HSPA4L: variants seen among roughly 807,000 people sequenced by gnomAD.
The protein encoded by HSPA4L is heat shock 70 kDa protein 4L.
Under a neutral mutation model 100.3 loss-of-function variants are expected in HSPA4L, and 48 were observed. The ratio of observed to expected loss-of-function variants is 0.48; its 90% CI spans 0.38 to 0.61. The LOEUF (loss-of-function observed/expected upper bound fraction) is 0.61. Ranked by LOEUF, HSPA4L falls within the 20% of genes least tolerant of loss-of-function variation. The pLI is 0.00. For synonymous variants in HSPA4L, 319 were observed against 328.2 expected, an observed-to-expected ratio of 0.97 and a Z score of 0.30; for missense variants, 886 against 988.6, an observed-to-expected ratio of 0.90 and a Z score of 1.39.
intron 10 of HSPA4L, among the ~76,000 whole-genome samples, chr4:127,807,463 G>A (rs149092788): frequency 6.6e-6 from 1 of 151,932 alleles, no homozygotes; most frequent in African/African-American, 2.4e-5. Context: ...TATAACCCTC[G>A]GTTGGTTCAG....
chr4:127,814,672 G>T (rs886283640), intron 12 of HSPA4L, among the ~76,000 whole-genome samples: 1 of 152,004 alleles, frequency 6.6e-6, no homozygotes, highest in Non-Finnish European at 1.5e-5. Context: ...GGTTCAAGCA[G>T]TTCTCCTGCC....
chr4:127,832,687 T>C lies in HSPA4L; in HGVS notation c.2333T>C (p.Leu778Pro). 2 of 1,598,074 alleles carry C rather than the reference T, an allele frequency of 1.3e-6. No individual in the cohort carries two copies. Among genetic ancestry groups the C allele is most frequent in the Non-Finnish European group, 1.7e-6 (2 of 1,172,922 alleles). The part of the protein sequence containing the change: ...VSEIVAKSKE[L>P]DNFCNPIIYK... ...TCAATTTCTTCATGTCTTTAGGAAC[T>C]GGATAATTTCTGTAACCCCATCATT... Residue 778 changes from leucine (L) to proline (P), a missense_variant, in exon 19 of 19, where the codon CTG becomes CCG. Transcript: ENST00000296464.
chr4:127,812,408 C>CAAAA (rs769753070), intron 12 of HSPA4L, among the ~76,000 whole-genome samples: 1 of 62,858 alleles, frequency 1.6e-5, no homozygotes, highest in East Asian at 3.2e-4. Context: ...GACTCCATCT[C>CAAAA]AAAAAAAAAA....
chr4:127,823,914 T>C (rs1253071983), intron 16 of HSPA4L, among the ~76,000 whole-genome samples: 2 of 152,218 alleles, frequency 1.3e-5, no homozygotes, highest in Non-Finnish European at 2.9e-5. Context: ...TAAGTATATA[T>C]GGTAACTGTG....
At chr4:127,801,104 A>G in intron 4 of HSPA4L, 34 bp from the exon 5 acceptor site, 1 of 1,483,918 alleles carries the variant, frequency 6.7e-7, no homozygotes, top group Non-Finnish European at 9.3e-7. Context: ...GTTTACATAA[A>G]ACATTATACT....
At chr4:127,808,407 C>CT (rs1227839511) in intron 11 of HSPA4L, among the ~76,000 whole-genome samples, 1 of 151,320 alleles carries the variant, frequency 6.6e-6, no homozygotes, top group Non-Finnish European at 1.5e-5. Context: ...CATGCCTAGA[C>CT]TTTTTTTTTC....
chr4:127,802,274 A>C (rs1229931366), intron 6 of HSPA4L, among the ~76,000 whole-genome samples: 2 of 152,186 alleles, frequency 1.3e-5, no homozygotes, highest in African/African-American at 2.4e-5. Flanking sequence ...GCATTTTCTA[A>C]AATGATTCCC....
intron 1 of HSPA4L, among the ~76,000 whole-genome samples, chr4:127,784,822 C>T (rs1732668567): frequency 6.6e-6 from 1 of 152,234 alleles, no homozygotes; most frequent in Non-Finnish European, 1.5e-5. Flanking sequence ...TAACCTTTAA[C>T]TTCTCTAATA....
chr4:127,837,566 C>G lies in HSPA4L; in HGVS notation c.*4692C>G, dbSNP rs1166328187. ...GTAAAGCAGTCAGTTTCAGAAGATA[C>G]TTTTTATCAAAAAAGATGGCAGGTT... On this transcript the variant is annotated 3_prime_UTR_variant, in exon 19 of 19. Transcript: ENST00000296464. 1 of 152,120 alleles carries G rather than the reference C, an allele frequency of 6.6e-6. No homozygotes were observed. The highest frequency in any genetic ancestry group is 1.5e-5 in the Non-Finnish European group (1 of 68,014). The allele number at this position is 152,120 out of a possible 1,614,324, so 9.4% of individuals were successfully genotyped here.
At chr4:127,784,816 C>G (rs900606862) in intron 1 of HSPA4L, among the ~76,000 whole-genome samples, 4 of 152,206 alleles carry the variant, frequency 2.6e-5, no homozygotes, top group Non-Finnish European at 5.9e-5. Flanking sequence ...ATTAGATAAC[C>G]TTTAACTTCT....
At chr4:127,798,985 G>A (rs1253370507) in intron 4 of HSPA4L, among the ~76,000 whole-genome samples, 3 of 152,144 alleles carry the variant, frequency 2.0e-5, no homozygotes, top group Admixed American at 6.6e-5. Context: ...TTCTCAGATA[G>A]CAATTAACTT....
intron 12 of HSPA4L, chr4:127,813,207 G>A (rs1024366987): frequency 9.0e-6 from 11 of 1,216,882 alleles, no homozygotes; most frequent in South Asian, 4.8e-5. Flanking sequence ...TCATTTTGGC[G>A]AATTACTGGA....
chr4:127,783,894 C>T (rs1359252843), intron 1 of HSPA4L, among the ~76,000 whole-genome samples: 1 of 151,962 alleles, frequency 6.6e-6, no homozygotes, highest in Non-Finnish European at 1.5e-5. Flanking sequence ...GGTTTTATAC[C>T]TTTTTTCGTA....
chr4:127,799,639 T>C (rs1025078544), intron 4 of HSPA4L, among the ~76,000 whole-genome samples: 47 of 152,218 alleles, frequency 3.1e-4, no homozygotes, highest in African/African-American at 1.1e-3. Flanking sequence ...AAGATTCGTC[T>C]TAAATTCAAA....
At chr4:127,827,951 AGAT>A (rs1341784800) in intron 17 of HSPA4L, among the ~76,000 whole-genome samples, 4 of 152,176 alleles carry the variant, frequency 2.6e-5, no homozygotes, top group African/African-American at 9.6e-5. Context: ...GTAGTTATAC[AGAT>A]GATACTTCCA....
intron 1 of HSPA4L, among the ~76,000 whole-genome samples, chr4:127,791,928 T>A (rs914635542): frequency 6.6e-6 from 1 of 152,218 alleles, no homozygotes. Context: ...AACCATGTTT[T>A]CTTTCATTAT....
In HSPA4L at chr4:127,795,044, C is replaced by G. The variant is rs192504153; in HGVS notation, c.166-724C>G. Reference sequence around the variant, plus strand: ...GCTACATGGAAGGGATTTTAATTTACTAGCCTAGGAGCAATCTGCAGCAAT... The same window carrying G: ...GCTACATGGAAGGGATTTTAATTTAGTAGCCTAGGAGCAATCTGCAGCAAT... On this transcript the variant is annotated intron_variant, in intron 2 of 18. Transcript: ENST00000296464. 3.0e-3 allele frequency among the ~76,000 whole-genome samples: 462 copies of G among 152,060 alleles called. 1 individual carries two copies. Among genetic ancestry groups the G allele is most frequent in the Non-Finnish European group, 4.2e-3 (284 of 67,910 alleles).
At chr4:127,820,784 C>T (rs1359869718) in intron 14 of HSPA4L, among the ~76,000 whole-genome samples, 2 of 152,044 alleles carry the variant, frequency 1.3e-5, no homozygotes, top group East Asian at 1.9e-4. Flanking sequence ...TGTATTGCCT[C>T]CTCTATAGAG....
intron 18 of HSPA4L, 71 bp from the exon 19 acceptor site, chr4:127,832,612 T>C: frequency 7.8e-7 from 1 of 1,286,568 alleles, no homozygotes; most frequent in Non-Finnish European, 1.1e-6. Flanking sequence ...AAAGTTAATG[T>C]GGAATTTAGA....
Sources: allele counts gnomAD v4.1 joint callset (sites outside exome capture counted in the v4.1 genomes callset), GRCh38; gene constraint gnomAD v4.1.1; transcripts MANE v1.5; gene names NCBI Gene and HGNC (gene_info 2026-07-23, HGNC 2026-07-21).